The following DCC variants were observed in gnomAD, a reference collection of about 807,000 sequenced individuals.
The protein encoded by DCC is DCC netrin 1 receptor, also known as netrin receptor DCC.
DCC carries 58 observed loss-of-function variants against 172.5 expected under a neutral mutation model. That is an observed-to-expected ratio of 0.34 (90% CI 0.27 to 0.42). The LOEUF is 0.42. Among genes scored for constraint, DCC ranks in the 10% least tolerant of loss-of-function variants. The probability of loss-of-function intolerance (pLI) is 1.00; values close to 1 mark genes in which losing one functional copy is unlikely to be tolerated. For synonymous variants in DCC, 709 were observed against 644.5 expected (o/e 1.10, Z -1.52); for missense variants, 1,740 against 1,791.0 (o/e 0.97, Z 0.51).
At chr18:53,449,328 G>A (rs1030517894) in intron 22 of DCC, among the ~76,000 whole-genome samples, 1 of 152,126 alleles carries the variant, frequency 6.6e-6, no homozygotes, top group African/African-American at 2.4e-5. Flanking sequence ...GCTTAAGAAA[G>A]CTACGTCAAG....
At chr18:52,679,732 T>A (rs79474414) in intron 1 of DCC, among the ~76,000 whole-genome samples, 1,892 of 152,242 alleles carry the variant, frequency 0.012, 49 homozygotes, top group African/African-American at 0.043. Context: ...AATCTATAAG[T>A]CTTTCTTGGT....
chr18:53,369,933 T>A (rs2058042951), intron 15 of DCC, among the ~76,000 whole-genome samples: 1 of 151,860 alleles, frequency 6.6e-6, no homozygotes, highest in Admixed American at 6.6e-5. Context: ...TTTTATAGTG[T>A]CTATGTCTGA....
chr18:52,805,026 A>G (rs1010507258), intron 2 of DCC, among the ~76,000 whole-genome samples: 2 of 152,174 alleles, frequency 1.3e-5, no homozygotes, highest in Non-Finnish European at 2.9e-5. Flanking sequence ...CTAAATGTGT[A>G]ATTTTAAACA....
intron 1 of DCC, among the ~76,000 whole-genome samples, chr18:52,539,559 C>A (rs1288786600): frequency 1.3e-5 from 2 of 152,206 alleles, no homozygotes; most frequent in African/African-American, 4.8e-5. Flanking sequence ...AGGTTGAGTG[C>A]ATCTTATGAG....
At chr18:52,879,141 T>G (rs116512128) in intron 2 of DCC, among the ~76,000 whole-genome samples, 2,311 of 152,308 alleles carry the variant, frequency 0.015, 43 homozygotes, top group African/African-American at 0.039. Flanking sequence ...CTGAGTAGAT[T>G]TAGAAATCAA....
chr18:52,952,939 A>C (rs1452703914), intron 5 of DCC, among the ~76,000 whole-genome samples: 1 of 131,714 alleles, frequency 7.6e-6, no homozygotes, highest in Non-Finnish European at 1.6e-5. Context: ...TCAAGGCTGC[A>C]GTTAGCTATG....
intron 25 of DCC, among the ~76,000 whole-genome samples, chr18:53,484,534 C>G (rs1256608435): frequency 2.0e-5 from 3 of 151,944 alleles, no homozygotes; most frequent in African/African-American, 7.2e-5. Context: ...AGCTTTTCAC[C>G]TATGCTCTCT....
chr18:52,493,752 G>C (rs576112864), intron 1 of DCC, among the ~76,000 whole-genome samples: 1 of 152,004 alleles, frequency 6.6e-6, no homozygotes, highest in Admixed American at 6.6e-5. Flanking sequence ...ATATTAACAT[G>C]GGACTTTGAT....
chr18:52,612,911 A>G (rs896434240), intron 1 of DCC, among the ~76,000 whole-genome samples: 1 of 152,190 alleles, frequency 6.6e-6, no homozygotes, highest in African/African-American at 2.4e-5. Flanking sequence ...TGCATGTAAC[A>G]TATTATGTTA....
chr18:53,068,303 T>C (rs916388620), intron 7 of DCC, among the ~76,000 whole-genome samples: 5 of 152,124 alleles, frequency 3.3e-5, no homozygotes, highest in African/African-American at 1.2e-4. Flanking sequence ...AGGGTACATG[T>C]GCATAATGTG....
chr18:52,909,100 A>C (rs1166710098), intron 3 of DCC, among the ~76,000 whole-genome samples: 1 of 152,172 alleles, frequency 6.6e-6, no homozygotes, highest in African/African-American at 2.4e-5. Context: ...TGAATGAATG[A>C]ATGAATGAAT....
At chr18:53,325,547 T>C (rs1031798243) in intron 14 of DCC, among the ~76,000 whole-genome samples, 1 of 152,194 alleles carries the variant, frequency 6.6e-6, no homozygotes, top group Admixed American at 6.6e-5. Context: ...GACACAAAAT[T>C]TTTCATTTAA....
At chr18:52,768,013 C>T (rs1599089958) in intron 2 of DCC, among the ~76,000 whole-genome samples, 3 of 152,260 alleles carry the variant, frequency 2.0e-5, no homozygotes, top group Non-Finnish European at 4.4e-5. Flanking sequence ...CAAATAGCAC[C>T]ACAGTTTGGA....
chr18:53,197,075 G>T (rs187743213), intron 9 of DCC, among the ~76,000 whole-genome samples: 1 of 152,068 alleles, frequency 6.6e-6, no homozygotes, highest in Non-Finnish European at 1.5e-5. Context: ...AAATCAAAGA[G>T]GCAATCAAAG....
At chr18:53,394,270 A>C (rs1431101625) in intron 17 of DCC, among the ~76,000 whole-genome samples, 1 of 152,158 alleles carries the variant, frequency 6.6e-6, no homozygotes, top group Non-Finnish European at 1.5e-5. Flanking sequence ...AAAAACAATG[A>C]GATTCTTTGT....
intron 2 of DCC, chr18:52,757,238 C>CA (rs1461967136): frequency 1.3e-5 from 2 of 152,106 alleles, no homozygotes; most frequent in Non-Finnish European, 2.9e-5. Flanking sequence ...CAATCATTTC[C>CA]AAAACATGTA....
At chr18:52,967,756 G>T (rs909335785) in intron 5 of DCC, among the ~76,000 whole-genome samples, 4 of 151,876 alleles carry the variant, frequency 2.6e-5, no homozygotes, top group East Asian at 3.9e-4. Flanking sequence ...AAATATATTC[G>T]GTATATTTAT....
At chr18:52,859,979 A>T (rs768405167) in intron 2 of DCC, among the ~76,000 whole-genome samples, 5 of 152,250 alleles carry the variant, frequency 3.3e-5, no homozygotes, top group Non-Finnish European at 7.3e-5. Context: ...ATTCCATATC[A>T]TCTTGAATCA....
chr18:53,495,761 C>T (rs192321986), intron 26 of DCC, among the ~76,000 whole-genome samples: 134 of 152,292 alleles, frequency 8.8e-4, no homozygotes, highest in Non-Finnish European at 1.3e-3. Flanking sequence ...ACCAATCAGA[C>T]GTAGATTTGG....
Sources: allele counts gnomAD v4.1 joint callset (sites outside exome capture counted in the v4.1 genomes callset), GRCh38; gene constraint gnomAD v4.1.1; transcripts MANE v1.5; gene names NCBI Gene and HGNC (gene_info 2026-07-23, HGNC 2026-07-21).